The following ANO4 variants were observed in gnomAD, a reference collection of about 807,000 sequenced individuals.
The protein encoded by ANO4 is anoctamin 4.
Under a neutral mutation model 141.9 loss-of-function variants are expected in ANO4, and 69 were observed. The observed-to-expected ratio is 0.49, with a 90% confidence interval of 0.40 to 0.59. The LOEUF (loss-of-function observed/expected upper bound fraction) is 0.59, where lower values mean the gene tolerates loss of function less well. ANO4 is among the 20% of genes least tolerant of loss of function. The probability of loss-of-function intolerance (pLI) is 0.00; values close to 1 mark genes in which losing one functional copy is unlikely to be tolerated. For missense variants in ANO4, 894 were observed against 1,162.2 expected, an observed-to-expected ratio of 0.77 and a Z score of 3.36; for synonymous variants, 350 against 394.3, an observed-to-expected ratio of 0.89 and a Z score of 1.33.
At chr12:101,055,151 G>A (rs534764553) in intron 14 of ANO4, among the ~76,000 whole-genome samples, 2 of 151,990 alleles carry the variant, frequency 1.3e-5, no homozygotes, top group African/African-American at 4.8e-5. Flanking sequence ...TTTTGTTTTT[G>A]TAAATTTTCA....
At chr12:101,047,868 G>A (rs1353508589) in intron 13 of ANO4, 2 of 290,792 alleles carry the variant, frequency 6.9e-6, no homozygotes, top group African/African-American at 4.6e-5. Context: ...CTGAAATCCA[G>A]AGGGCAGCCC....
At chr12:101,104,973 C>A (rs1038132817) in intron 22 of ANO4, among the ~76,000 whole-genome samples, 1 of 151,952 alleles carries the variant, frequency 6.6e-6, no homozygotes, top group Non-Finnish European at 1.5e-5. Flanking sequence ...TTGGATTATT[C>A]TGACTTACTG....
intron 5 of ANO4, among the ~76,000 whole-genome samples, chr12:100,947,250 T>C (rs780325370): frequency 3.9e-5 from 6 of 152,050 alleles, no homozygotes; most frequent in East Asian, 1.9e-4. Context: ...AGATGGAAAA[T>C]TGATGTTGGG....
chr12:100,969,606 T>A (rs1420252197), intron 5 of ANO4, among the ~76,000 whole-genome samples: 1 of 152,226 alleles, frequency 6.6e-6, no homozygotes, highest in Non-Finnish European at 1.5e-5. Context: ...CATCTGCAAT[T>A]TGAAAACAAT....
chr12:101,054,519 A>G (rs2048017592), intron 14 of ANO4, among the ~76,000 whole-genome samples: 1 of 152,192 alleles, frequency 6.6e-6, no homozygotes, highest in South Asian at 2.1e-4. Context: ...CTTTTTTTTG[A>G]GACGGAGTCT....
chr12:100,927,570 A>C (rs2041924395), intron 3 of ANO4, among the ~76,000 whole-genome samples: 1 of 152,142 alleles, frequency 6.6e-6, no homozygotes, highest in South Asian at 2.1e-4. Context: ...AAAGCTCTGC[A>C]GTCCATGAAT....
rs773231509 is a variant in ANO4 at position 100,922,188 on chromosome 12, A to G, written c.56-38A>G. On this transcript the variant is annotated intron_variant, in intron 2 of 27. Coordinates refer to ENST00000392977, the MANE Select transcript of ANO4 (RefSeq NM_001286615.2). ...GACCCTAATGACAGACTCTCTGATAACCAGTGCAAACTCCATGAATATCTT... is the reference window on the plus strand; with the variant it reads ...GACCCTAATGACAGACTCTCTGATAGCCAGTGCAAACTCCATGAATATCTT... 101 of 1,439,184 alleles carry G rather than the reference A, an allele frequency of 7.0e-5. 1 individual carries two copies. Among genetic ancestry groups the G allele is most frequent in the Non-Finnish European group, 8.9e-5 (96 of 1,078,572 alleles). 89.2% of individuals were successfully genotyped at this position (1,439,184 alleles called of 1,614,324 possible).
intron 1 of ANO4, among the ~76,000 whole-genome samples, chr12:100,823,898 G>A (rs2036191501): frequency 6.6e-6 from 1 of 152,012 alleles, no homozygotes; most frequent in Non-Finnish European, 1.5e-5. Context: ...AACACATACT[G>A]TATTAGAATA....
rs59678820 is a variant in ANO4 at position 101,029,907 on chromosome 12, T to TAAAAA, written c.842-7177_842-7173dup. ...CCTCGTGAAAGAGCAAGTCTCCGTC[T>TAAAAA]AAAAAAAAAAAAAAAGAGCTAACTA... On this transcript the variant is annotated intron_variant, in intron 9 of 27. Transcript: ENST00000392977. Among the ~76,000 whole-genome samples, 10 of 96,194 alleles carry TAAAAA rather than the reference T, an allele frequency of 1.0e-4. 1 individual carries two copies. Among genetic ancestry groups the TAAAAA allele is most frequent in the African/African-American group, 1.4e-4 (3 of 21,760 alleles). The allele number at this position is 96,194 out of a possible 152,430, so 63.1% of individuals were successfully genotyped here.
chr12:100,775,121 A>G (rs1439214001), intron 3 of ANO4, among the ~76,000 whole-genome samples: 6 of 152,198 alleles, frequency 3.9e-5, no homozygotes, highest in African/African-American at 1.4e-4. Flanking sequence ...AAATAATTAT[A>G]TATAAAAACA....
chr12:100,751,181 G>A (rs1010110549), intron 3 of ANO4, among the ~76,000 whole-genome samples: 4 of 152,272 alleles, frequency 2.6e-5, no homozygotes, highest in East Asian at 1.9e-4. Context: ...AGATTCAGCC[G>A]AGAGCCATCA....
chr12:101,054,543 A>G (rs2048019483), intron 14 of ANO4, among the ~76,000 whole-genome samples: 1 of 152,246 alleles, frequency 6.6e-6, no homozygotes, highest in African/African-American at 2.4e-5. Flanking sequence ...TCTGTCCCCC[A>G]GGCTGGAGTG....
rs147288755 is a variant in ANO4 at position 101,068,319 on chromosome 12, A to G, written c.1313-10874A>G. The stretch of plus-strand genomic sequence containing the variant: ...CCTGCTCCTACGAAGGCTGACTTCA[A>G]TGGTCCTTGAGAGAAGATGCAGAAA... On this transcript the variant is annotated intron_variant, in intron 14 of 27. Coordinates refer to ENST00000392977, the MANE Select transcript of ANO4 (RefSeq NM_001286615.2). The G allele has an allele frequency of 1.2e-4, 151 of 1,267,012 alleles. No individual in the cohort carries two copies. In the African/African-American group the frequency reaches 1.9e-3, roughly 16 times the overall value. The allele number at this position is 1,267,012 out of a possible 1,614,324, so 78.5% of individuals were successfully genotyped here. A position where few individuals can be genotyped will look rare whatever the true frequency, so the allele number is the denominator to read the frequency against.
chr12:100,908,875 A>G (rs1167171138), intron 2 of ANO4, among the ~76,000 whole-genome samples: 2 of 152,232 alleles, frequency 1.3e-5, no homozygotes, highest in Non-Finnish European at 2.9e-5. Context: ...CTGCCTGAAC[A>G]ATTTCAGTAT....
Position 100,979,797 on chromosome 12 carries a change from G to A in ANO4, c.602+4908G>A, listed in dbSNP as rs150322042. ...GGCTGGAGTGCAGAGGCACGATCTC[G>A]GCTCACTGCAAGCTCCGCCTCCCGG... On this transcript the variant is annotated intron_variant, in intron 7 of 27. Transcript: ENST00000392977. Among the ~76,000 whole-genome samples the A allele has an allele frequency of 8.6e-4, 130 of 151,620 alleles. 2 individuals are homozygous for A. The highest frequency in any genetic ancestry group is 2.8e-3 in the African/African-American group (114 of 41,314).
chr12:100,842,760 G>A (rs1017139675), intron 1 of ANO4, among the ~76,000 whole-genome samples: 5 of 152,052 alleles, frequency 3.3e-5, no homozygotes, highest in South Asian at 2.1e-4. Context: ...GAAGGGTAAA[G>A]GGGCCTACCT....
At position 100,886,007 on chromosome 12, in the gene ANO4, G is replaced by A. The variant is rs187396610; in HGVS notation, c.-140-15639G>A. ...TATTTCTATTACTGTCTTTAGATCCGAAGTCAATTTTTATTCTTTCCCTCT... is the reference window on the plus strand; with the variant it reads ...TATTTCTATTACTGTCTTTAGATCCAAAGTCAATTTTTATTCTTTCCCTCT... On this transcript the variant is annotated intron_variant, in intron 1 of 27. Coordinates refer to ENST00000392977, the MANE Select transcript of ANO4 (RefSeq NM_001286615.2). 2.1e-4 allele frequency among the ~76,000 whole-genome samples: 32 copies of A among 152,232 alleles called. No homozygotes were observed. The South Asian group carries it at 4.6e-3, about 22-fold the overall frequency.
upstream of ANO4, among the ~76,000 whole-genome samples, chr12:100,791,764 G>A (rs2034055959): frequency 6.6e-6 from 1 of 152,170 alleles, no homozygotes; most frequent in Non-Finnish European, 1.5e-5. Flanking sequence ...TTTGCCACTT[G>A]GGTGAGCGTT....
intron 3 of ANO4, among the ~76,000 whole-genome samples, chr12:100,780,255 G>A (rs1357525252): frequency 6.6e-6 from 1 of 152,238 alleles, no homozygotes; most frequent in Non-Finnish European, 1.5e-5. Flanking sequence ...TAGCTCAGGA[G>A]GTTTCTTAGC....
Sources: allele counts gnomAD v4.1 joint callset (sites outside exome capture counted in the v4.1 genomes callset), GRCh38; gene constraint gnomAD v4.1.1; transcripts MANE v1.5; gene names NCBI Gene and HGNC (gene_info 2026-07-23, HGNC 2026-07-21).